Variants in NAP1L1 observed in about 807,000 individuals in gnomAD.
NAP1L1 encodes nucleosome assembly protein 1 like 1.
A neutral mutation model predicts 58.9 loss-of-function variants in NAP1L1; 9 were observed. The ratio of observed to expected loss-of-function variants is 0.15; its 90% CI spans 0.09 to 0.27. The LOEUF (loss-of-function observed/expected upper bound fraction) is 0.27. Among genes scored for constraint, NAP1L1 ranks in the 10% least tolerant of loss-of-function variants. The pLI, the probability that NAP1L1 is intolerant of heterozygous loss-of-function variation, is 1.00. For missense variants in NAP1L1, 302 were observed against 458.8 expected, an observed-to-expected ratio of 0.66 and a Z score of 3.12; for synonymous variants, 130 against 138.3, an observed-to-expected ratio of 0.94 and a Z score of 0.42.
chr12:76,047,452 T>C lies in NAP1L1; in HGVS notation c.*977A>G, dbSNP rs1948636980. 1.3e-5 allele frequency: 2 copies of C among 151,138 alleles called. No homozygotes were observed. Among genetic ancestry groups the C allele is most frequent in the South Asian group, 4.2e-4 (2 of 4,770 alleles). 9.4% of individuals were successfully genotyped at this position (151,138 alleles called of 1,614,324 possible). On this transcript the variant is annotated 3_prime_UTR_variant, in exon 15 of 15. Coordinates refer to ENST00000618691, the MANE Select transcript of NAP1L1 (RefSeq NM_004537.7). ...CTTTTTTTTTTTTTTTTACACTTGC[T>C]TATTAGTATAGCATCTCGTTCCAAA...
chr12:76,076,952 T>C lies in NAP1L1; in HGVS notation c.-20-2713A>G, dbSNP rs185628558. On this transcript the variant is annotated intron_variant, in intron 1 of 14. Transcript: ENST00000618691. ...GCTAAGTATTTATGTGGTGCATGAC[T>C]GCATTTGGTTTTCCAACACACAGAT... Among the ~76,000 whole-genome samples the C allele has an allele frequency of 3.7e-3, 560 of 152,346 alleles. 3 individuals carry two copies. The highest frequency in any genetic ancestry group is 6.8e-3 in the Non-Finnish European group (466 of 68,032).
chr12:76,059,519 A>C (rs1949303110), intron 6 of NAP1L1: 1 of 328,036 alleles, frequency 3.0e-6, no homozygotes, highest in Non-Finnish European at 5.5e-6. Context: ...CAGGTGCTGC[A>C]AATTGGAAAT....
rs200193871 is a variant in NAP1L1, at chr12:76,060,117, CAAAGTAGGAG to C, written c.348+11_348+20del. The C allele has an allele frequency of 3.0e-3, 4,738 of 1,603,144 alleles. 143 individuals carry two copies. In the African/African-American group the frequency reaches 0.057, roughly 19 times the overall value. On this transcript the variant is annotated intron_variant, in intron 5 of 14. Coordinates refer to ENST00000618691, the MANE Select transcript of NAP1L1 (RefSeq NM_004537.7). ...TCGTCTTCTAGAATGTTAAATTAAA[CAAAGTAGGAG>C]AAAGCATTACCTTATCAAATAGAGG...
chr12:76,059,783 A>T lies in NAP1L1; in HGVS notation c.429+15T>A. ...TATCATCTTAAAAACATACCAAAAT[A>T]AAGTTGGTACTAACCGAAATCTCAT... On this transcript the variant is annotated intron_variant, in intron 6 of 14. Transcript: ENST00000618691. 1 of 1,546,320 alleles carries T rather than the reference A, an allele frequency of 6.5e-7. No individual in the cohort carries two copies. The highest frequency in any genetic ancestry group is 8.9e-7 in the Non-Finnish European group (1 of 1,129,686).
chr12:76,058,099 G>A (rs1322343160), intron 6 of NAP1L1: 1 of 749,526 alleles, frequency 1.3e-6, no homozygotes, highest in African/African-American at 1.7e-5. Flanking sequence ...GATGATGACA[G>A]CATCGAAGAT....
At chr12:76,062,288 C>T (rs1270555230) in intron 4 of NAP1L1, among the ~76,000 whole-genome samples, 1 of 152,156 alleles carries the variant, frequency 6.6e-6, no homozygotes, top group Non-Finnish European at 1.5e-5. Flanking sequence ...CCTGGACTGG[C>T]AGCAAACTTT....
Position 76,037,644 on chromosome 12 carries a change from G to A in NAP1L1, c.*10785C>T, listed in dbSNP as rs1178411335. The A allele has an allele frequency of 1.3e-5, 2 of 152,236 alleles. No individual in the cohort carries two copies. Among genetic ancestry groups the A allele is most frequent in the Non-Finnish European group, 2.9e-5 (2 of 68,058 alleles). The allele number at this position is 152,236 out of a possible 1,614,324, so 9.4% of individuals were successfully genotyped here. A position where few individuals can be genotyped will look rare whatever the true frequency, so the allele number is the denominator to read the frequency against. ...TGACTCGTTCCACTCAACCTTGAGC[G>A]AGTGCCAGTCATACATCTCCTTGTC... On this transcript the variant is annotated 3_prime_UTR_variant, in exon 15 of 15. Transcript: ENST00000618691.
chr12:76,077,934 G>A lies in NAP1L1; in HGVS notation c.-20-3695C>T, dbSNP rs550168319. 3.4e-3 allele frequency among the ~76,000 whole-genome samples: 411 copies of A among 119,436 alleles called. 2 individuals carry two copies. Among genetic ancestry groups the A allele is most frequent in the Admixed American group, 6.1e-3 (51 of 8,428 alleles). 78.4% of individuals were successfully genotyped at this position (119,436 alleles called of 152,430 possible). On this transcript the variant is annotated intron_variant, in intron 1 of 14. Coordinates refer to ENST00000618691, the MANE Select transcript of NAP1L1 (RefSeq NM_004537.7). ...AGAGGAGGAGGCTGCAGTGAGCCGAGATCACACCGCTGCACTCCAGCTTGG... is the reference window on the plus strand; with the variant it reads ...AGAGGAGGAGGCTGCAGTGAGCCGAAATCACACCGCTGCACTCCAGCTTGG...
In NAP1L1 at chr12:76,047,614, T is replaced by C. The variant is rs1345064665; in HGVS notation, c.*815A>G. 5 of 151,988 alleles carry C rather than the reference T, an allele frequency of 3.3e-5. No homozygotes were observed. Among genetic ancestry groups the C allele is most frequent in the African/African-American group, 4.8e-5 (2 of 41,422 alleles). The allele number at this position is 151,988 out of a possible 1,614,324, so 9.4% of individuals were successfully genotyped here. A position where few individuals can be genotyped will look rare whatever the true frequency, so the allele number is the denominator to read the frequency against. ...ACTAAAATTGTATTTGAAATTTTTATTTTAGCTGCAAAAACAAAAACAAGC... is the reference window on the plus strand; with the variant it reads ...ACTAAAATTGTATTTGAAATTTTTACTTTAGCTGCAAAAACAAAAACAAGC... On this transcript the variant is annotated 3_prime_UTR_variant, in exon 15 of 15. Transcript: ENST00000618691.
chr12:76,077,159 C>T (rs906946834), intron 1 of NAP1L1, among the ~76,000 whole-genome samples: 2 of 152,152 alleles, frequency 1.3e-5, no homozygotes, highest in African/African-American at 4.8e-5. Flanking sequence ...TGTCCATTTG[C>T]AGCATTACAT....
At position 76,059,831 on chromosome 12, in the gene NAP1L1, A is replaced by G. The variant is rs368015351; in HGVS notation, c.396T>C (p.Cys132=). 23 of 1,603,824 alleles carry G rather than the reference A, an allele frequency of 1.4e-5. No homozygotes were observed. The highest frequency in any genetic ancestry group is 2.0e-5 in the Non-Finnish European group (23 of 1,176,502). Residue 132 remains cysteine, a synonymous_variant, in exon 6 of 15, where the codon TGT becomes TGC. Coordinates refer to ENST00000618691, the MANE Select transcript of NAP1L1 (RefSeq NM_004537.7). ...CATCTTCTTCATCTGGTTTCCATTC[A>G]CATTCTTCTTCCGTAGGTTCATAAA... ...NAIYEPTEEE[C]EWKPDEEDEI...
intron 3 of NAP1L1, among the ~76,000 whole-genome samples, chr12:76,068,157 T>C (rs891534074): frequency 1.3e-5 from 2 of 152,306 alleles, no homozygotes; most frequent in East Asian, 3.9e-4. Context: ...AATTACTTTT[T>C]TTGAGGTCAA....
chr12:76,057,492 C>T (rs1334022192), intron 6 of NAP1L1: 10 of 665,136 alleles, frequency 1.5e-5, no homozygotes, highest in Non-Finnish European at 2.5e-5. Flanking sequence ...GCAACAGTGG[C>T]GGGAGCAGAG....
At chr12:76,051,439 T>C (rs1181044701) in intron 11 of NAP1L1, among the ~76,000 whole-genome samples, 1 of 152,210 alleles carries the variant, frequency 6.6e-6, no homozygotes, top group East Asian at 1.9e-4. Flanking sequence ...CACTTTATAG[T>C]TCCTAAAAGA....
chr12:76,045,772 T>C lies in NAP1L1; in HGVS notation c.*2657A>G, dbSNP rs182631745. The C allele has an allele frequency of 6.6e-6, 1 of 152,182 alleles. No homozygotes were observed. The highest frequency in any genetic ancestry group is 6.5e-5 in the Admixed American group (1 of 15,286). The allele number at this position is 152,182 out of a possible 1,614,324, so 9.4% of individuals were successfully genotyped here. A position where few individuals can be genotyped will look rare whatever the true frequency, so the allele number is the denominator to read the frequency against. On this transcript the variant is annotated 3_prime_UTR_variant, in exon 15 of 15. Transcript: ENST00000618691. ...AACACTTACCCTACTTGAGTGACCA[T>C]AAAGCAAACAACTCTAAAATTTTTT...
rs1948593920 is a variant in NAP1L1 at position 76,045,636 on chromosome 12, T to G, written c.*2793A>C. ...AAGGTATTTTTGCAATCTAAAATAG[T>G]GATGCTAATACTGCTTCAGTAAGCT... On this transcript the variant is annotated 3_prime_UTR_variant, in exon 15 of 15. Coordinates refer to ENST00000618691, the MANE Select transcript of NAP1L1 (RefSeq NM_004537.7). The G allele has an allele frequency of 6.6e-6, 1 of 152,054 alleles. No homozygotes were observed. The highest frequency in any genetic ancestry group is 6.6e-5 in the Admixed American group (1 of 15,260). 9.4% of individuals were successfully genotyped at this position (152,054 alleles called of 1,614,324 possible). A position where few individuals can be genotyped will look rare whatever the true frequency, so the allele number is the denominator to read the frequency against.
chr12:76,071,880 G>C lies in NAP1L1; in HGVS notation c.17+2323C>G, dbSNP rs1362847773. On this transcript the variant is annotated intron_variant, in intron 2 of 14. Transcript: ENST00000618691. ...TGTACACATTAGAATGCTAAATGTA[G>C]AGCCTCCTCTACATTTAAAGGAACA... Among the ~76,000 whole-genome samples, 3 of 151,390 alleles carry C rather than the reference G, an allele frequency of 2.0e-5. No homozygotes were observed. In the East Asian group the frequency reaches 5.8e-4, roughly 29 times the overall value.
At chr12:76,051,498 A>C (rs1948826886) in intron 11 of NAP1L1, among the ~76,000 whole-genome samples, 1 of 152,158 alleles carries the variant, frequency 6.6e-6, no homozygotes, top group South Asian at 2.1e-4. Context: ...CCCAAATGAG[A>C]CAGTCCTAGT....
At position 76,060,223 on chromosome 12, in the gene NAP1L1, C is replaced by A; in HGVS notation, c.263G>T (p.Cys88Phe). The change falls in exon 5 of 15, where the codon TGT becomes TTT. Residue 88 changes from cysteine (C) to phenylalanine (F), a missense_variant. Coordinates refer to ENST00000618691, the MANE Select transcript of NAP1L1 (RefSeq NM_004537.7). The part of the protein sequence containing the change: ...VNALKNLQVK[C>F]AQIEAKFYEE... ...ATAGAATTTGGCTTCTATCTGTGCA[C>A]ATTTAACTTGCAGGTTTTTGAGAGC... 6.2e-7 allele frequency: 1 copy of A among 1,613,864 alleles called. No homozygotes were observed. The highest frequency in any genetic ancestry group is 1.3e-5 in the African/African-American group (1 of 75,048).
Sources: gnomAD v4.1 joint callset for allele counts (sites outside exome capture counted in the v4.1 genomes callset) on GRCh38, gnomAD v4.1.1 for gene constraint, MANE v1.5 for transcripts, NCBI Gene and HGNC (gene_info 2026-07-23, HGNC 2026-07-21) for gene names.